The following MAMDC2 variants were observed in gnomAD, a reference collection of about 807,000 sequenced individuals.
MAMDC2 encodes MAM domain containing 2.
A neutral mutation model predicts 89.8 loss-of-function variants in MAMDC2; 57 were observed. That is an observed-to-expected ratio of 0.63 (90% CI 0.51 to 0.79). MAMDC2 has a LOEUF of 0.79. MAMDC2 is among the 30% of genes least tolerant of loss of function. The probability of loss-of-function intolerance (pLI) is 0.00; values close to 1 mark genes in which losing one functional copy is unlikely to be tolerated. For synonymous variants in MAMDC2, 313 were observed against 293.4 expected, an observed-to-expected ratio of 1.07 and a Z score of -0.68; for missense variants, 800 against 820.6, an observed-to-expected ratio of 0.97 and a Z score of 0.31.
intron 7 of MAMDC2, among the ~76,000 whole-genome samples, chr9:70,139,919 C>T (rs944377018): frequency 7.2e-5 from 11 of 152,110 alleles, no homozygotes; most frequent in African/African-American, 1.9e-4. Context: ...AACAGTGCTC[C>T]TTTCTCCCCT....
At chr9:70,140,096 C>A (rs1328042917) in intron 7 of MAMDC2, 49 bp from the exon 8 acceptor site, 2 of 1,505,470 alleles carry the variant, frequency 1.3e-6, no homozygotes, top group South Asian at 1.4e-5. Flanking sequence ...TTGATGTAGT[C>A]CTTTGAGATC....
At chr9:70,160,217 A>T (rs943925134) in intron 9 of MAMDC2, among the ~76,000 whole-genome samples, 1 of 152,212 alleles carries the variant, frequency 6.6e-6, no homozygotes, top group East Asian at 1.9e-4. Flanking sequence ...GTCTCCAGAA[A>T]AAAAAAAGAA....
chr9:70,207,018 C>T (rs570275651), intron 11 of MAMDC2, among the ~76,000 whole-genome samples: 1 of 152,298 alleles, frequency 6.6e-6, no homozygotes, highest in African/African-American at 2.4e-5. Flanking sequence ...TTTTCTTAAT[C>T]CAGTCTATCA....
At chr9:70,185,737 A>T (rs138275133) in intron 11 of MAMDC2, among the ~76,000 whole-genome samples, 3 of 151,484 alleles carry the variant, frequency 2.0e-5, no homozygotes, top group Non-Finnish European at 4.4e-5. Flanking sequence ...CTCACACCAA[A>T]CTCCATCATC....
intron 12 of MAMDC2, among the ~76,000 whole-genome samples, chr9:70,221,380 T>TATATATATATATATATAG: frequency 1.4e-4 from 1 of 7,044 alleles, no homozygotes; most frequent in Non-Finnish European, 2.6e-4. Context: ...TATATATATA[T>TATATATATATATATATAG]AGAGAGAGAG....
At chr9:70,175,348 C>A (rs1431963339) in intron 11 of MAMDC2, among the ~76,000 whole-genome samples, 1 of 152,118 alleles carries the variant, frequency 6.6e-6, no homozygotes, top group Non-Finnish European at 1.5e-5. Flanking sequence ...TTTTGAAAGC[C>A]AAGCCACAGA....
chr9:70,058,760 A>G lies in MAMDC2; in HGVS notation c.148+14063A>G, dbSNP rs144458303. Among the ~76,000 whole-genome samples the G allele has an allele frequency of 2.0e-5, 3 of 152,362 alleles. No individual in the cohort carries two copies. The East Asian group carries it at 5.8e-4, about 29-fold the overall frequency. On this transcript the variant is annotated intron_variant, in intron 2 of 13. Coordinates refer to ENST00000377182, the MANE Select transcript of MAMDC2 (RefSeq NM_153267.5). Reference sequence around the variant, plus strand: ...ACTTGAGTTCTGATGTGAGTGACTAAGAGAAGCATGTAGAAACATTAGTTC... The same window carrying G: ...ACTTGAGTTCTGATGTGAGTGACTAGGAGAAGCATGTAGAAACATTAGTTC...
intron 6 of MAMDC2, among the ~76,000 whole-genome samples, chr9:70,130,532 A>T (rs2030759188): frequency 6.6e-6 from 1 of 152,178 alleles, no homozygotes; most frequent in Non-Finnish European, 1.5e-5. Flanking sequence ...CCATGGTCAC[A>T]GGCAGAAGGT....
intron 7 of MAMDC2, 43 bp from the exon 8 acceptor site, chr9:70,140,102 A>T: frequency 2.6e-6 from 4 of 1,512,638 alleles, no homozygotes; most frequent in Non-Finnish European, 3.5e-6. Flanking sequence ...TAGTCCTTTG[A>T]GATCTTTGGG....
chr9:70,220,761 C>CA (rs1216498365), intron 12 of MAMDC2, among the ~76,000 whole-genome samples: 1 of 152,178 alleles, frequency 6.6e-6, no homozygotes, highest in East Asian at 1.9e-4. Flanking sequence ...AAATAATCCT[C>CA]ATTGGCCTGA....
intron 2 of MAMDC2, among the ~76,000 whole-genome samples, chr9:70,078,674 A>G (rs1827590072): frequency 6.6e-6 from 1 of 152,206 alleles, no homozygotes; most frequent in Non-Finnish European, 1.5e-5. Flanking sequence ...AAGCAGTTTC[A>G]AGACATGAAA....
intron 6 of MAMDC2, among the ~76,000 whole-genome samples, chr9:70,126,884 T>C (rs2030578343): frequency 1.3e-5 from 2 of 151,940 alleles, no homozygotes; most frequent in African/African-American, 4.8e-5. Context: ...ATAAATAATG[T>C]CGTAAAATCA....
At chr9:70,126,046 C>T (rs970147754) in intron 5 of MAMDC2, 113 bp from the exon 6 acceptor site, 2 of 1,202,044 alleles carry the variant, frequency 1.7e-6, no homozygotes, top group African/African-American at 1.5e-5. Flanking sequence ...CCACTTCCTC[C>T]TCACCATTCC....
At position 70,205,609 on chromosome 9, in the gene MAMDC2, C is replaced by T. The variant is rs543056252; in HGVS notation, c.1652-12728C>T. 8.2e-4 allele frequency among the ~76,000 whole-genome samples: 125 copies of T among 152,308 alleles called. 1 individual carries two copies. The highest frequency in any genetic ancestry group is 2.8e-3 in the African/African-American group (116 of 41,564). ...TGTGGAATGTGTCTGTGTGTCTCAA[C>T]ACATCACAGTTGCTGTGCAAAGAAC... On this transcript the variant is annotated intron_variant, in intron 11 of 13. Coordinates refer to ENST00000377182, the MANE Select transcript of MAMDC2 (RefSeq NM_153267.5).
intron 9 of MAMDC2, among the ~76,000 whole-genome samples, chr9:70,166,977 A>G (rs1231781461): frequency 6.6e-6 from 1 of 152,198 alleles, no homozygotes. Flanking sequence ...AAAAAAAGTT[A>G]CTGCTAAAAT....
At chr9:70,221,388 G>GAA (rs2033559665) in intron 12 of MAMDC2, among the ~76,000 whole-genome samples, 3 of 33,514 alleles carry the variant, frequency 9.0e-5, no homozygotes, top group Non-Finnish European at 2.0e-4. Flanking sequence ...TATAGAGAGA[G>GAA]AGAGAGAGAG....
intron 9 of MAMDC2, among the ~76,000 whole-genome samples, chr9:70,155,564 T>C (rs2031730989): frequency 2.0e-5 from 3 of 152,216 alleles, no homozygotes; most frequent in Admixed American, 2.0e-4. Context: ...ATACTGCCAA[T>C]ATATGTTAGT....
At chr9:70,070,919 G>A (rs1044600451) in intron 2 of MAMDC2, among the ~76,000 whole-genome samples, 4 of 151,978 alleles carry the variant, frequency 2.6e-5, no homozygotes, top group African/African-American at 9.7e-5. Context: ...AAAGTATTTC[G>A]ATAAATAGTG....
chr9:70,054,670 A>C (rs1262689387), intron 2 of MAMDC2, among the ~76,000 whole-genome samples: 1 of 151,994 alleles, frequency 6.6e-6, no homozygotes, highest in African/African-American at 2.4e-5. Context: ...AAGAAGATTG[A>C]AAAGAGGGGG....
Sources: gnomAD v4.1 joint callset for allele counts (sites outside exome capture counted in the v4.1 genomes callset) on GRCh38, gnomAD v4.1.1 for gene constraint, MANE v1.5 for transcripts, NCBI Gene and HGNC (gene_info 2026-07-23, HGNC 2026-07-21) for gene names.